FAM53A: variants seen among roughly 807,000 people sequenced by gnomAD.
The protein encoded by FAM53A is family with sequence similarity 53 member A.
FAM53A carries 28 observed loss-of-function variants against 26.6 expected under a neutral mutation model. That is an observed-to-expected ratio of 1.05 (90% CI 0.78 to 1.45). FAM53A has a LOEUF of 1.45. Ranked by LOEUF, FAM53A falls within the 40% of genes most tolerant of loss-of-function variation. The pLI, the probability that FAM53A is intolerant of heterozygous loss-of-function variation, is 0.00. For synonymous variants in FAM53A, 290 were observed against 253.1 expected (o/e 1.15, Z -1.38); for missense variants, 650 against 575.8 (o/e 1.13, Z -1.32).
At chr4:1,593,322 G>T in the FAM53A span, among the ~76,000 whole-genome samples, 1 of 152,064 alleles carries the variant, frequency 6.6e-6, no homozygotes, top group Non-Finnish European at 1.5e-5. Flanking sequence ...CTCAGCCCAG[G>T]CCAGGGGAGG....
At chr4:1,580,415 C>T in the FAM53A span, among the ~76,000 whole-genome samples, 1 of 152,198 alleles carries the variant, frequency 6.6e-6, no homozygotes, top group Non-Finnish European at 1.5e-5. Context: ...GTGAGGGCAG[C>T]TCAGAGCTGA....
At chr4:1,603,877 C>A in the FAM53A span, among the ~76,000 whole-genome samples, 2 of 152,164 alleles carry the variant, frequency 1.3e-5, no homozygotes, top group African/African-American at 4.8e-5. Context: ...GAGCAGACAG[C>A]GATTGCTGCA....
At chr4:1,597,381 G>A in the FAM53A span, among the ~76,000 whole-genome samples, 13 of 151,834 alleles carry the variant, frequency 8.6e-5, no homozygotes, top group Admixed American at 2.0e-4. Context: ...GTGCCCCCAC[G>A]TCTACCCCCA....
intron 4 of FAM53A, among the ~76,000 whole-genome samples, chr4:1,652,983 C>T (rs1257614743): frequency 2.0e-5 from 3 of 149,420 alleles, no homozygotes; most frequent in East Asian, 4.1e-4. Context: ...ACACCACATA[C>T]ACACAACACA....
chr4:1,655,418 C>T lies in FAM53A; in HGVS notation c.442G>A (p.Val148Ile). 6.7e-7 allele frequency: 1 copy of T among 1,490,792 alleles called. No homozygotes were observed. Among genetic ancestry groups the T allele is most frequent in the Non-Finnish European group, 8.9e-7 (1 of 1,121,452 alleles). The allele number at this position is 1,490,792 out of a possible 1,614,324, so 92.3% of individuals were successfully genotyped here. Reference protein sequence around the residue: ...RPGSSKVWTPVSKRRCDSGGS... With the variant: ...RPGSSKVWTPISKRRCDSGGS... ...CCGCTGTCGCACCGCCTCTTGGAGACTGGAGTCCAGACCTTGGAGCTGCCG... is the reference window on the plus strand; with the variant it reads ...CCGCTGTCGCACCGCCTCTTGGAGATTGGAGTCCAGACCTTGGAGCTGCCG... Residue 148 changes from valine (V) to isoleucine (I), a missense_variant, in exon 4 of 5, where the codon GTC becomes ATC. Transcript: ENST00000308132.
chr4:1,658,218 C>T (rs1436721585), intron 2 of FAM53A, among the ~76,000 whole-genome samples: 1 of 151,980 alleles, frequency 6.6e-6, no homozygotes, highest in East Asian at 1.9e-4. Context: ...GACAGGGTTT[C>T]ACCGTGTCAG....
At chr4:1,592,290 CA>C in the FAM53A span, among the ~76,000 whole-genome samples, 1 of 152,216 alleles carries the variant, frequency 6.6e-6, no homozygotes, top group Non-Finnish European at 1.5e-5. Flanking sequence ...CGGCGCGTAC[CA>C]GCCACGTCCA....
At chr4:1,653,774 C>T (rs1713082228) in intron 4 of FAM53A, among the ~76,000 whole-genome samples, 1 of 152,242 alleles carries the variant, frequency 6.6e-6, no homozygotes, top group African/African-American at 2.4e-5. Flanking sequence ...ACGGTGCCCT[C>T]AGCGTGGCCT....
At chr4:1,638,727 C>T (rs540118997), downstream of FAM53A, among the ~76,000 whole-genome samples, 1 of 151,906 alleles carries the variant, frequency 6.6e-6, no homozygotes, top group Non-Finnish European at 1.5e-5. Flanking sequence ...CACCCCACAT[C>T]CCCTCGCTCC....
chr4:1,626,515 G>A (rs574673671), intron 1 of FAM53A, among the ~76,000 whole-genome samples: 96 of 151,486 alleles, frequency 6.3e-4, no homozygotes, highest in South Asian at 4.6e-3. Flanking sequence ...GGAGGACCCG[G>A]GACAGTGTAG....
At chr4:1,656,370 G>C (rs1489410032) in intron 3 of FAM53A, among the ~76,000 whole-genome samples, 1 of 152,238 alleles carries the variant, frequency 6.6e-6, no homozygotes, top group African/African-American at 2.4e-5. Flanking sequence ...CCAGGTGCAT[G>C]GGCCTGGCAT....
At chr4:1,589,392 AT>A in the FAM53A span, among the ~76,000 whole-genome samples, 2 of 152,090 alleles carry the variant, frequency 1.3e-5, no homozygotes, top group Non-Finnish European at 2.9e-5. Flanking sequence ...TTTATTTATA[AT>A]TTTTTTATTG....
At chr4:1,617,686 A>C (rs1714858587), downstream of FAM53A, among the ~76,000 whole-genome samples, 1 of 151,560 alleles carries the variant, frequency 6.6e-6, no homozygotes, top group South Asian at 2.1e-4. Flanking sequence ...TGCCTTAGCC[A>C]CTCTTTTTTA....
At chr4:1,675,417 C>A (rs1346622952) in intron 1 of FAM53A, among the ~76,000 whole-genome samples, 1 of 152,172 alleles carries the variant, frequency 6.6e-6, no homozygotes, top group Non-Finnish European at 1.5e-5. Flanking sequence ...TGCCCTGAGC[C>A]CAGGTGATGC....
chr4:1,638,627 G>A (rs977683352), downstream of FAM53A, among the ~76,000 whole-genome samples: 2 of 152,194 alleles, frequency 1.3e-5, no homozygotes, highest in African/African-American at 2.4e-5. Context: ...CAAGTCCAAG[G>A]GTTGCAGGCA....
chr4:1,593,993 G>A, the FAM53A span, among the ~76,000 whole-genome samples: 1 of 152,188 alleles, frequency 6.6e-6, no homozygotes, highest in African/African-American at 2.4e-5. Context: ...CGGCGTTGCG[G>A]AAGGCCGACC....
chr4:1,598,989 C>T, the FAM53A span, among the ~76,000 whole-genome samples: 1 of 152,276 alleles, frequency 6.6e-6, no homozygotes, highest in African/African-American at 2.4e-5. Context: ...GTAGCGTGCG[C>T]AGGGGTGCGT....
At chr4:1,674,106 G>A (rs1422789736) in intron 1 of FAM53A, among the ~76,000 whole-genome samples, 1 of 152,186 alleles carries the variant, frequency 6.6e-6, no homozygotes, top group South Asian at 2.1e-4. Context: ...TCTGGAGGCC[G>A]GAAGTCCAAA....
the FAM53A span, among the ~76,000 whole-genome samples, chr4:1,602,209 T>A: frequency 6.6e-6 from 1 of 152,032 alleles, no homozygotes; most frequent in Non-Finnish European, 1.5e-5. Context: ...AATTGGATAA[T>A]TCCATTTTAA....
Sources: allele counts gnomAD v4.1 joint callset (sites outside exome capture counted in the v4.1 genomes callset), GRCh38; gene constraint gnomAD v4.1.1; transcripts MANE v1.5; gene names NCBI Gene and HGNC (gene_info 2026-07-23, HGNC 2026-07-21).